The following WNK1 variants were observed in gnomAD, a reference collection of about 807,000 sequenced individuals.
WNK1 encodes serine/threonine-protein kinase WNK1.
In WNK1, 38 loss-of-function variants were observed where a neutral mutation model predicts 222.8. The observed-to-expected ratio is 0.17, with a 90% CI of 0.13 to 0.22. The LOEUF (loss-of-function observed/expected upper bound fraction) is 0.22. Among genes scored for constraint, WNK1 ranks in the 10% least tolerant of loss-of-function variants. WNK1 has a pLI of 1.00. For missense variants in WNK1, 2,348 were observed against 2,918.4 expected, an observed-to-expected ratio of 0.80 and a Z score of 4.50; for synonymous variants, 1,090 against 1,092.9, an observed-to-expected ratio of 1.00 and a Z score of 0.05.
intron 22 of WNK1, among the ~76,000 whole-genome samples, chr12:894,047 G>A (rs995090528): frequency 6.0e-5 from 9 of 151,198 alleles, no homozygotes; most frequent in South Asian, 2.1e-4. Context: ...GTGAAACTCC[G>A]TCTCTACTAA....
chr12:822,087 CTTTTTTTTT>C (rs376271992), intron 2 of WNK1, among the ~76,000 whole-genome samples: 2 of 71,464 alleles, frequency 2.8e-5, no homozygotes, highest in African/African-American at 1.1e-4. Flanking sequence ...TGTCTTATAC[CTTTTTTTTT>C]TTTTTTTTTT....
chr12:899,577 A>G (rs1165993957), intron 25 of WNK1, among the ~76,000 whole-genome samples: 1 of 152,206 alleles, frequency 6.6e-6, no homozygotes, highest in Non-Finnish European at 1.5e-5. Flanking sequence ...CACTATGCCC[A>G]GCTATGATCC....
At chr12:840,174 C>G (rs117684742) in intron 4 of WNK1, among the ~76,000 whole-genome samples, 130 of 152,160 alleles carry the variant, frequency 8.5e-4, no homozygotes, top group Non-Finnish European at 1.5e-3. Flanking sequence ...GTCACCGAGG[C>G]TTGAGTGCAG....
chr12:762,806 G>A (rs888815728), intron 1 of WNK1, among the ~76,000 whole-genome samples: 1 of 146,512 alleles, frequency 6.8e-6, no homozygotes, highest in Admixed American at 6.8e-5. Context: ...GAGTGCAATG[G>A]CGCGATCTCG....
chr12:828,838 A>G (rs1948574736), intron 3 of WNK1, among the ~76,000 whole-genome samples: 1 of 152,250 alleles, frequency 6.6e-6, no homozygotes, highest in Non-Finnish European at 1.5e-5. Context: ...AAAGGTGACA[A>G]TAACAAAAGA....
intron 26 of WNK1, chr12:906,523 T>C (rs1473138433): frequency 1.0e-6 from 1 of 985,160 alleles, no homozygotes; most frequent in East Asian, 1.1e-4. Flanking sequence ...CTTGAGCCAA[T>C]TGAAACTGAG....
chr12:784,057 C>CA (rs369176579), intron 1 of WNK1, among the ~76,000 whole-genome samples: 61 of 39,156 alleles, frequency 1.6e-3, no homozygotes, highest in African/African-American at 4.8e-3. Context: ...CTGTCTCCAC[C>CA]AAAAAAAAAA....
intron 1 of WNK1, among the ~76,000 whole-genome samples, chr12:757,903 C>G (rs749480444): frequency 1.4e-5 from 2 of 145,572 alleles, no homozygotes; most frequent in Non-Finnish European, 3.1e-5. Context: ...GGGCGTGGTC[C>G]GCACGCCTGT....
Position 895,929 on chromosome 12 carries a change from A to G in WNK1, c.5584-142A>G, listed in dbSNP as rs2269937. 0.45 allele frequency: 476,483 copies of G among 1,070,650 alleles called. 107,897 individuals carry two copies. Among genetic ancestry groups the G allele is most frequent in the Admixed American group, 0.55 (23,942 of 43,746 alleles). The allele number at this position is 1,070,650 out of a possible 1,614,324, so 66.3% of individuals were successfully genotyped here. A position where few individuals can be genotyped will look rare whatever the true frequency, so the allele number is the denominator to read the frequency against. On this transcript the variant is annotated intron_variant, in intron 23 of 27. Transcript: ENST00000315939. ...TATTCAATTTTTCTTCCTAGTCAAA[A>G]GTGGAGGCGCTATGTAAAGAGACAA...
At chr12:808,126 CT>C (rs1218094239) in intron 1 of WNK1, among the ~76,000 whole-genome samples, 3 of 148,048 alleles carry the variant, frequency 2.0e-5, no homozygotes, top group Non-Finnish European at 4.5e-5. Context: ...AAGACCTCAC[CT>C]ATAGTAGTTT....
intron 1 of WNK1, among the ~76,000 whole-genome samples, chr12:785,478 G>A (rs977492947): frequency 7.8e-6 from 1 of 128,508 alleles, no homozygotes; most frequent in Non-Finnish European, 1.5e-5. Flanking sequence ...TTGGCTCACT[G>A]CAGCCTCCAC....
chr12:893,354 C>T (rs550595383), intron 22 of WNK1, among the ~76,000 whole-genome samples: 60 of 152,200 alleles, frequency 3.9e-4, no homozygotes, highest in South Asian at 1.5e-3. Context: ...TAGGGTATGA[C>T]ACTATGCAAT....
At chr12:768,890 A>G (rs930091485) in intron 1 of WNK1, among the ~76,000 whole-genome samples, 1 of 151,770 alleles carries the variant, frequency 6.6e-6, no homozygotes, top group African/African-American at 2.4e-5. Context: ...GCTCACTGCA[A>G]CCTCCGCTTC....
chr12:857,365 G>T, intron 5 of WNK1, 116 bp downstream of exon 5: 2 of 974,828 alleles, frequency 2.1e-6, no homozygotes, highest in Non-Finnish European at 3.2e-6. Context: ...TTCTCTATTT[G>T]TGCCTGTAAC....
chr12:851,428 C>G, intron 4 of WNK1: 1 of 1,127,284 alleles, frequency 8.9e-7, no homozygotes, highest in Non-Finnish European at 1.1e-6. Flanking sequence ...GGATCTATTA[C>G]TGTTGGCAGA....
At position 811,654 on chromosome 12, in the gene WNK1, T is replaced by A. The variant is rs76670098; in HGVS notation, c.760-1988T>A. Among the ~76,000 whole-genome samples the A allele has an allele frequency of 9.9e-3, 1,514 of 152,264 alleles. 28 individuals are homozygous for A. Among genetic ancestry groups the A allele is most frequent in the African/African-American group, 0.034 (1,427 of 41,570 alleles). ...ACTTTATTATTGTCTTAAAGTCTTT[T>A]GGGTGCTAAAATTATGTACTTCTCT... is the stretch of plus-strand genomic sequence containing the variant. On this transcript the variant is annotated intron_variant, in intron 1 of 27. Transcript: ENST00000315939.
At chr12:809,440 G>A (rs1213768353) in intron 1 of WNK1, among the ~76,000 whole-genome samples, 1 of 151,770 alleles carries the variant, frequency 6.6e-6, no homozygotes, top group Non-Finnish European at 1.5e-5. Flanking sequence ...ATTTCATCTC[G>A]TAAGAGTACC....
chr12:848,992 G>T (rs1263307733), intron 4 of WNK1, among the ~76,000 whole-genome samples: 2 of 152,058 alleles, frequency 1.3e-5, no homozygotes, highest in Admixed American at 6.6e-5. Flanking sequence ...GACCTTTGAG[G>T]CAGGACACGT....
At chr12:842,513 C>T (rs1415724848) in intron 4 of WNK1, among the ~76,000 whole-genome samples, 1 of 152,006 alleles carries the variant, frequency 6.6e-6, no homozygotes, top group East Asian at 1.9e-4. Context: ...GGTATTTCCC[C>T]TTAATTTTTA....
Sources: allele counts gnomAD v4.1 joint callset (sites outside exome capture counted in the v4.1 genomes callset), GRCh38; gene constraint gnomAD v4.1.1; transcripts MANE v1.5; gene names NCBI Gene and HGNC (gene_info 2026-07-23, HGNC 2026-07-21).